The following WT1 variants were observed in gnomAD, a reference collection of about 807,000 sequenced individuals.
WT1 encodes Wilms tumor protein.
In WT1, 8 loss-of-function variants were observed where a neutral mutation model predicts 60.8. That is an observed-to-expected ratio of 0.13 (90% CI 0.08 to 0.24). The LOEUF is 0.24. Ranked by LOEUF, WT1 falls within the 10% of genes least tolerant of loss-of-function variation. The pLI is 1.00. For synonymous variants in WT1, 312 were observed against 297.1 expected, an observed-to-expected ratio of 1.05 and a Z score of -0.52; for missense variants, 568 against 711.8, an observed-to-expected ratio of 0.80 and a Z score of 2.30.
intron 3 of WT1, among the ~76,000 whole-genome samples, chr11:32,421,153 A>G (rs1371386880): frequency 6.6e-6 from 1 of 152,218 alleles, no homozygotes; most frequent in Non-Finnish European, 1.5e-5. Flanking sequence ...AGCTAAAAAT[A>G]CTGGGCCGAA....
At chr11:32,398,491 T>C (rs1313810929) in intron 6 of WT1, among the ~76,000 whole-genome samples, 1 of 152,202 alleles carries the variant, frequency 6.6e-6, no homozygotes, top group Non-Finnish European at 1.5e-5. Context: ...CTTTATACTT[T>C]ACTTTCTTCA....
rs544966826 is a variant in WT1, at chr11:32,399,957, T to A, written c.1104A>T (p.Arg368Ser). The A allele has an allele frequency of 5.6e-6, 9 of 1,614,158 alleles. No individual in the cohort carries two copies. In the East Asian group the frequency reaches 2.0e-4, roughly 36 times the overall value. ...CTGTCTGTGTGCTCACCTGAATGCC[T>A]CTGAAGACACCGTGCGTGTGTATTC... The change falls in exon 6 of 10, where the codon AGA (arginine) becomes AGT (serine). Residue 368 changes from arginine (R) to serine (S), a missense_variant. Arg to Ser is a moderately radical substitution (Grantham distance 110). Transcript: ENST00000452863.
intron 4 of WT1, chr11:32,417,335 A>G (rs1361529493): frequency 1.3e-5 from 7 of 533,832 alleles, no homozygotes; most frequent in Non-Finnish European, 2.3e-5. Context: ...ATTCAACAAG[A>G]CCATAATAAG....
chr11:32,418,506 G>C (rs2133040798), intron 3 of WT1, among the ~76,000 whole-genome samples: 1 of 152,294 alleles, frequency 6.6e-6, no homozygotes, highest in South Asian at 2.1e-4. Context: ...AAGAGACCAA[G>C]AGTTTTTCTG....
chr11:32,393,205 T>C (rs1423047888), intron 7 of WT1, among the ~76,000 whole-genome samples: 1 of 152,194 alleles, frequency 6.6e-6, no homozygotes, highest in East Asian at 1.9e-4. Context: ...CCTCATGAAA[T>C]AAGAGTTTTA....
At chr11:32,427,912 C>T (rs950584879) in intron 3 of WT1, 44 bp downstream of exon 3, 6 of 1,558,048 alleles carry the variant, frequency 3.9e-6, no homozygotes, top group African/African-American at 1.4e-5. Flanking sequence ...TGCGTCCCCT[C>T]CGGGGTCCCA....
chr11:32,427,901 A>C (rs1026223067), intron 3 of WT1, 55 bp downstream of exon 3: 129 of 1,535,268 alleles, frequency 8.4e-5, no homozygotes, highest in Non-Finnish European at 1.1e-4. Context: ...CCGCCGGCTC[A>C]TGCGTCCCCT....
chr11:32,430,451 GGAGGGAGA>G, intron 1 of WT1: 5 of 916,964 alleles, frequency 5.5e-6, no homozygotes, highest in East Asian at 4.5e-5. Flanking sequence ...AGAGAGAGAG[GGAGGGAGA>G]GAGAGAGAGA....
chr11:32,408,666 G>C (rs1287926156), intron 5 of WT1, among the ~76,000 whole-genome samples: 1 of 151,692 alleles, frequency 6.6e-6, no homozygotes, highest in African/African-American at 2.4e-5. Flanking sequence ...AAGTTTAAAA[G>C]ACTGTAAGAT....
intron 5 of WT1, among the ~76,000 whole-genome samples, chr11:32,410,904 T>G (rs1457010752): frequency 6.6e-6 from 1 of 152,220 alleles, no homozygotes; most frequent in Non-Finnish European, 1.5e-5. Flanking sequence ...CAGATCAATG[T>G]TCTTCTACCT....
At chr11:32,429,462 T>TC (rs10580209) in intron 1 of WT1, among the ~76,000 whole-genome samples, 6,623 of 123,670 alleles carry the variant, frequency 0.054, 272 homozygotes, top group African/African-American at 0.066. Flanking sequence ...ATCCTAGCAT[T>TC]CCCCCCCCCC....
chr11:32,414,889 AG>A (rs1217304326), intron 5 of WT1, among the ~76,000 whole-genome samples: 2 of 151,846 alleles, frequency 1.3e-5, no homozygotes, highest in East Asian at 1.9e-4. Context: ...AAAAAAAAAA[AG>A]AAATACATTT....
chr11:32,427,535 T>C (rs970478335), intron 3 of WT1, among the ~76,000 whole-genome samples: 1 of 152,168 alleles, frequency 6.6e-6, no homozygotes, highest in South Asian at 2.1e-4. Flanking sequence ...GAGAAGGCTG[T>C]GGCCAAGGCT....
chr11:32,430,704 C>T, intron 1 of WT1: 1 of 1,422,254 alleles, frequency 7.0e-7, no homozygotes, highest in Non-Finnish European at 9.2e-7. Flanking sequence ...GCCCGTGGCC[C>T]GCGAGCCCTC....
In WT1 at chr11:32,434,752, G is replaced by T; in HGVS notation, c.609C>A (p.Asn203Lys). Reference sequence around the variant, plus strand: ...CGAGGCAGCTGGGCAGGTAGGGCGCGTTAGGAAACATCCTGGCCTGGCCGG... The same window carrying T: ...CGAGGCAGCTGGGCAGGTAGGGCGCTTTAGGAAACATCCTGGCCTGGCCGG... The change falls in exon 1 of 10, where the codon AAC becomes AAA. Residue 203 changes from asparagine (N) to lysine (K), a missense_variant. By Grantham distance (94) the Asn-to-Lys change is moderately conservative (BLOSUM62 0). Coordinates refer to ENST00000452863, the MANE Select transcript of WT1 (RefSeq NM_024426.6). 6.2e-7 allele frequency: 1 copy of T among 1,612,788 alleles called. No homozygotes were observed. The highest frequency in any genetic ancestry group is 8.5e-7 in the Non-Finnish European group (1 of 1,179,870).
At chr11:32,401,626 C>A (rs569575039) in intron 5 of WT1, among the ~76,000 whole-genome samples, 1 of 151,948 alleles carries the variant, frequency 6.6e-6, no homozygotes, top group Non-Finnish European at 1.5e-5. Context: ...CTGCAACCAC[C>A]GCCCCTGGGT....
chr11:32,405,077 T>A lies in WT1; in HGVS notation c.1017-5033A>T, dbSNP rs140322072. The stretch of plus-strand genomic sequence containing the variant: ...AGAATATGGATTGACTCTTTTTAAT[T>A]TAAAACAGAGCCATGAACTCAAATA... On this transcript the variant is annotated intron_variant, in intron 5 of 9. Transcript: ENST00000452863. 3.0e-4 allele frequency among the ~76,000 whole-genome samples: 45 copies of A among 152,296 alleles called. No homozygotes were observed. The East Asian group carries it at 8.7e-3, about 29-fold the overall frequency.
intron 8 of WT1, 29 bp from the exon 9 acceptor site, chr11:32,392,093 G>T (rs777825688): frequency 6.2e-7 from 1 of 1,607,910 alleles, no homozygotes; most frequent in East Asian, 2.2e-5. Context: ...TCTAGCCTCG[G>T]CCCTAACAAT....
At chr11:32,405,397 C>G (rs765785290) in intron 5 of WT1, among the ~76,000 whole-genome samples, 10 of 151,982 alleles carry the variant, frequency 6.6e-5, no homozygotes, top group South Asian at 4.2e-4. Context: ...AACACACACT[C>G]TAGATGGCAC....
Sources: gnomAD v4.1 joint callset for allele counts (sites outside exome capture counted in the v4.1 genomes callset) on GRCh38, gnomAD v4.1.1 for gene constraint, MANE v1.5 for transcripts, NCBI Gene and HGNC (gene_info 2026-07-23, HGNC 2026-07-21) for gene names.